Variants in ARHGAP23 observed in about 807,000 individuals in gnomAD.
The protein encoded by ARHGAP23 is rho GTPase-activating protein 23.
In ARHGAP23, 34 loss-of-function variants were observed where a neutral mutation model predicts 136.3. The observed-to-expected ratio is 0.25, with a 90% CI of 0.19 to 0.33. The LOEUF (loss-of-function observed/expected upper bound fraction) is 0.33. Among genes scored for constraint, ARHGAP23 ranks in the 10% least tolerant of loss-of-function variants. The pLI is 1.00. For synonymous variants in ARHGAP23, 832 were observed against 920.5 expected, an observed-to-expected ratio of 0.90 and a Z score of 1.74; for missense variants, 1,808 against 2,139.0, an observed-to-expected ratio of 0.85 and a Z score of 3.05.
At chr17:38,458,834 T>A (rs2039392805) in intron 2 of ARHGAP23, among the ~76,000 whole-genome samples, 3 of 152,190 alleles carry the variant, frequency 2.0e-5, no homozygotes, top group Admixed American at 6.5e-5. Flanking sequence ...TCACTCATTG[T>A]GAATTTGGGG....
intron 23 of ARHGAP23, among the ~76,000 whole-genome samples, chr17:38,503,698 G>A (rs1297996963): frequency 1.3e-5 from 2 of 152,188 alleles, no homozygotes; most frequent in East Asian, 1.9e-4. Flanking sequence ...AGCAGTTACC[G>A]CTTCCCAGTC....
rs758815578 is a variant in ARHGAP23 at position 38,466,204 on chromosome 17, C to G, written c.521C>G (p.Pro174Arg). ...SQDAYLKGNE[P>R]YSGEARSIPE... ...GATGCCTACCTGAAAGGGAACGAGC[C>G]GTATTCTGGAGAGGCCCGCAGCATC... The change falls in exon 7 of 24, where the codon CCG (proline) becomes CGG (arginine). Residue 174 changes from proline to arginine, a missense_variant. This residue lies in a region of ARHGAP23 where 859 missense variants were observed against 936.4 expected (regional missense o/e 0.92). Coordinates refer to ENST00000622683, the MANE Select transcript of ARHGAP23 (RefSeq NM_001199417.2). 6.5e-7 allele frequency: 1 copy of G among 1,529,194 alleles called. No homozygotes were observed. The highest frequency in any genetic ancestry group is 8.8e-7 in the Non-Finnish European group (1 of 1,133,550). The allele number at this position is 1,529,194 out of a possible 1,614,324, so 94.7% of individuals were successfully genotyped here.
chr17:38,422,130 T>C (rs1339477079), intron 1 of ARHGAP23, among the ~76,000 whole-genome samples: 1 of 152,162 alleles, frequency 6.6e-6, no homozygotes, highest in Non-Finnish European at 1.5e-5. Flanking sequence ...GATCATTCGA[T>C]AGAAAGAGCA....
intron 1 of ARHGAP23, among the ~76,000 whole-genome samples, chr17:38,429,988 C>T (rs1473844725): frequency 6.6e-6 from 1 of 152,120 alleles, no homozygotes; most frequent in East Asian, 1.9e-4. Flanking sequence ...CCAAAGGCAG[C>T]CCAAAGGCCC....
chr17:38,478,129 C>A (rs1478903460), intron 12 of ARHGAP23, among the ~76,000 whole-genome samples: 1 of 152,216 alleles, frequency 6.6e-6, no homozygotes, highest in Non-Finnish European at 1.5e-5. Context: ...ACCATCCTGA[C>A]CCTAATGATG....
rs771635820 is a variant in ARHGAP23, at chr17:38,491,387, C to CTGCTTT, written c.3151-19_3151-14dup. 1.3e-6 allele frequency: 2 copies of CTGCTTT among 1,549,680 alleles called. No homozygotes were observed. Among genetic ancestry groups the CTGCTTT allele is most frequent in the African/African-American group, 2.7e-5 (2 of 73,108 alleles). ...CTGAGGTCAGGATGTTGACAGTGAC[C>CTGCTTT]TGCTTTCCCTGCTGCCCAGATGGAA... On this transcript the variant is annotated intron_variant, in intron 19 of 23. Transcript: ENST00000622683.
At chr17:38,460,868 G>A in intron 2 of ARHGAP23, 37 bp from the exon 3 acceptor site, 1 of 1,536,054 alleles carries the variant, frequency 6.5e-7, no homozygotes, top group Non-Finnish European at 8.7e-7. Context: ...GCTGAGGGCT[G>A]GACTGACGCC....
At chr17:38,454,832 C>G (rs1399231777) in intron 1 of ARHGAP23, among the ~76,000 whole-genome samples, 1 of 152,234 alleles carries the variant, frequency 6.6e-6, no homozygotes, top group Admixed American at 6.5e-5. Context: ...GCTGCCAACC[C>G]ACCACGTGTC....
At chr17:38,479,993 G>A in intron 14 of ARHGAP23, 110 bp downstream of exon 14, 4 of 1,424,826 alleles carry the variant, frequency 2.8e-6, no homozygotes, top group African/African-American at 1.4e-5. Context: ...GCCTGACTGT[G>A]TGCCAGGGCT....
At chr17:38,479,532 T>G (rs1430330774) in intron 13 of ARHGAP23, 35 bp downstream of exon 13, 101 of 1,540,474 alleles carry the variant, frequency 6.6e-5, no homozygotes, top group Non-Finnish European at 8.6e-5. Flanking sequence ...GTCTCCTCTG[T>G]GGGGGTGGTA....
intron 22 of ARHGAP23, among the ~76,000 whole-genome samples, chr17:38,499,632 A>T (rs998504873): frequency 6.6e-6 from 1 of 152,114 alleles, no homozygotes; most frequent in Non-Finnish European, 1.5e-5. Flanking sequence ...GTGGGACGGC[A>T]GAGAGGGACC....
chr17:38,424,407 C>T (rs957574975), upstream of ARHGAP23, among the ~76,000 whole-genome samples: 12 of 152,112 alleles, frequency 7.9e-5, no homozygotes, highest in Non-Finnish European at 1.5e-4. Flanking sequence ...ACTCCCTCCT[C>T]CCTGGGGCCC....
At chr17:38,428,327 G>A (rs2038601601), upstream of ARHGAP23, 6 of 280,494 alleles carry the variant, frequency 2.1e-5, no homozygotes, top group Non-Finnish European at 3.8e-5. Context: ...ACCCAGAAGG[G>A]AGCGCGGGGT....
intron 1 of ARHGAP23, among the ~76,000 whole-genome samples, chr17:38,421,576 G>A (rs747888474): frequency 8.0e-4 from 122 of 152,348 alleles, no homozygotes; most frequent in Non-Finnish European, 1.4e-3. Flanking sequence ...TGCGTGAGCC[G>A]CCGATGTGTC....
rs1296534265 is a variant in ARHGAP23 at position 38,510,430 on chromosome 17, C to T, written c.3934C>T (p.Leu1312Phe). ...CCGGCCGTCCTTCAGCTCGCACCACCTCATGCCCTGCGACACTCTGGCGCG... is the reference window on the plus strand; with the variant it reads ...CCGGCCGTCCTTCAGCTCGCACCACTTCATGCCCTGCGACACTCTGGCGCG... The part of the protein sequence containing the change: ...TRRPSFSSHH[L>F]MPCDTLARRR... Residue 1312 changes from leucine to phenylalanine, a missense_variant, in exon 24 of 24, where the codon CTC becomes TTC. Coordinates refer to ENST00000622683, the MANE Select transcript of ARHGAP23 (RefSeq NM_001199417.2). This position sits in a 1 kb window ranked among gnomAD's most constrained non-coding sequence, Gnocchi z 4.6. 8.2e-6 allele frequency: 10 copies of T among 1,226,644 alleles called. No homozygotes were observed. Among genetic ancestry groups the T allele is most frequent in the Non-Finnish European group, 1.0e-5 (10 of 985,520 alleles). The allele number at this position is 1,226,644 out of a possible 1,614,324, so 76.0% of individuals were successfully genotyped here. A position where few individuals can be genotyped will look rare whatever the true frequency, so the allele number is the denominator to read the frequency against.
chr17:38,453,547 G>A (rs1286272476), intron 1 of ARHGAP23: 9 of 153,114 alleles, frequency 5.9e-5, no homozygotes, highest in Non-Finnish European at 1.3e-4. Context: ...GTGTGAGGGT[G>A]CGAGGGTGTG....
intron 1 of ARHGAP23, 88 bp from the exon 2 acceptor site, chr17:38,458,014 T>C: frequency 6.8e-7 from 1 of 1,476,558 alleles, no homozygotes; most frequent in African/African-American, 1.4e-5. Flanking sequence ...CTGGTGCCCC[T>C]CCGGTCCTGT....
chr17:38,453,376 G>A (rs1414672752), intron 1 of ARHGAP23, among the ~76,000 whole-genome samples: 1 of 147,366 alleles, frequency 6.8e-6, no homozygotes, highest in Non-Finnish European at 1.5e-5. Context: ...GAGCATGTGT[G>A]GCTGTTTCTC....
chr17:38,469,363 T>C, intron 8 of ARHGAP23, 64 bp downstream of exon 8: 1 of 1,497,088 alleles, frequency 6.7e-7, no homozygotes, highest in Non-Finnish European at 9.0e-7. Context: ...GGGGTCTCTG[T>C]TGGGCCTGCT....
Sources: allele counts gnomAD v4.1 joint callset (sites outside exome capture counted in the v4.1 genomes callset), GRCh38; gene constraint gnomAD v4.1.1; regional missense constraint gnomAD v4.1.1; non-coding constraint Gnocchi (gnomAD v3.1); transcripts MANE v1.5; gene names NCBI Gene and HGNC (gene_info 2026-07-23, HGNC 2026-07-21).